TPMT: variants seen among roughly 807,000 people sequenced by gnomAD.
TPMT encodes thiopurine S-methyltransferase, also known as S-adenosyl-L-methionine:thiopurine S-methyltransferase.
A neutral mutation model predicts 34.2 loss-of-function variants in TPMT; 18 were observed. That is an observed-to-expected ratio of 0.53 (90% CI 0.36 to 0.78). The LOEUF is 0.78. Ranked by LOEUF, TPMT falls within the 30% of genes least tolerant of loss-of-function variation. TPMT has a pLI of 0.00. For synonymous variants in TPMT, 69 were observed against 92.4 expected (o/e 0.75, Z 1.45); for missense variants, 265 against 288.1 (o/e 0.92, Z 0.58).
rs1374075705 is a variant in TPMT at position 18,143,752 on chromosome 6, C to T, written c.234-24G>A. On this transcript the variant is annotated intron_variant, in intron 3 of 8. Coordinates refer to ENST00000309983, the MANE Select transcript of TPMT (RefSeq NM_000367.5). This position sits in a 1 kb window ranked among gnomAD's most constrained non-coding sequence, Gnocchi z 6.1. The stretch of plus-strand genomic sequence containing the variant: ...ACCTGCATAAAATCATACATTTACA[C>T]TTAAATTATGTTTTCAAATGACTAA... The T allele has an allele frequency of 3.1e-6, 5 of 1,613,250 alleles. No homozygotes were observed. The highest frequency in any genetic ancestry group is 1.3e-5 in the African/African-American group (1 of 74,878).
In TPMT at chr6:18,131,938, G is replaced by A. The variant is rs1437473386; in HGVS notation, c.625+195C>T. 6.6e-6 allele frequency among the ~76,000 whole-genome samples: 1 copy of A among 152,210 alleles called. No individual in the cohort carries two copies. The highest frequency in any genetic ancestry group is 6.5e-5 in the Admixed American group (1 of 15,280). ...GACTACAGGCACATGCCACCACACTGGCCTAATTTTTGTATTTTTGTAGAG... is the reference window on the plus strand; with the variant it reads ...GACTACAGGCACATGCCACCACACTAGCCTAATTTTTGTATTTTTGTAGAG... On this transcript the variant is annotated intron_variant, in intron 8 of 8. Coordinates refer to ENST00000309983, the MANE Select transcript of TPMT (RefSeq NM_000367.5). This position sits in a 1 kb window ranked among gnomAD's most constrained non-coding sequence, Gnocchi z 4.3.
chr6:18,147,944 G>T, intron 2 of TPMT, 29 bp from the exon 3 acceptor site: 1 of 1,564,408 alleles, frequency 6.4e-7, no homozygotes, highest in South Asian at 1.1e-5. Context: ...AAGGTTTTAG[G>T]ACAATTGTAT....
In TPMT at chr6:18,139,076, C is replaced by A. The variant is rs1481700402; in HGVS notation, c.420-39G>T. On this transcript the variant is annotated intron_variant, in intron 5 of 8. Transcript: ENST00000309983. The surrounding 1 kb of genome is among the most constrained non-coding windows in gnomAD (Gnocchi z 4.2). ...AAAAAACATTTTATGGGAGAAAAATCAAATCTTTAAGAAGATGAGCAGCGT... is the reference window on the plus strand; with the variant it reads ...AAAAAACATTTTATGGGAGAAAAATAAAATCTTTAAGAAGATGAGCAGCGT... 1.9e-6 allele frequency: 3 copies of A among 1,572,364 alleles called. No homozygotes were observed. The highest frequency in any genetic ancestry group is 1.7e-4 in the Middle Eastern group (1 of 5,992).
Position 18,130,364 on chromosome 6 carries a change from T to A in TPMT, c.*304A>T, listed in dbSNP as rs189064093. 1,222 of 266,780 alleles carry A rather than the reference T, an allele frequency of 4.6e-3. 11 individuals are homozygous for A. Among genetic ancestry groups the A allele is most frequent in the African/African-American group, 0.025 (1,119 of 44,476 alleles). 16.5% of individuals were successfully genotyped at this position (266,780 alleles called of 1,614,324 possible). On this transcript the variant is annotated 3_prime_UTR_variant, in exon 9 of 9. Transcript: ENST00000309983. The surrounding 1 kb of genome is among the most constrained non-coding windows in gnomAD (Gnocchi z 4.2). ...TGCATTGCATTTTGAAATATTTTTT[T>A]AATTGTACAGGTAACACATGCTGAT...
rs1033088368 is a variant in TPMT, at chr6:18,149,484, T to C, written c.-44-313A>G. Among the ~76,000 whole-genome samples, 10 of 151,444 alleles carry C rather than the reference T, an allele frequency of 6.6e-5. No individual in the cohort carries two copies. Among genetic ancestry groups the C allele is most frequent in the Non-Finnish European group, 1.5e-4 (10 of 67,858 alleles). ...CTTTCTTTCCTTGTTTTTTTTTTTT[T>C]CAGAGACAAGGTCTTGCTCTGTCAC... On this transcript the variant is annotated intron_variant, in intron 1 of 8. Coordinates refer to ENST00000309983, the MANE Select transcript of TPMT (RefSeq NM_000367.5). This position sits in a 1 kb window ranked among gnomAD's most constrained non-coding sequence, Gnocchi z 5.0.
rs1784094365 is a variant in TPMT at position 18,139,109 on chromosome 6, G to T, written c.420-72C>A. ...TAAGAAGATGAGCAGCGTCCCCCAT[G>T]GTGCATGCTGGTACTTCAACAATCG... is the stretch of plus-strand genomic sequence containing the variant. On this transcript the variant is annotated intron_variant, in intron 5 of 8. Transcript: ENST00000309983. The surrounding 1 kb of genome is among the most constrained non-coding windows in gnomAD (Gnocchi z 4.2). 8.0e-7 allele frequency: 1 copy of T among 1,246,868 alleles called. No individual in the cohort carries two copies. Among genetic ancestry groups the T allele is most frequent in the African/African-American group, 1.5e-5 (1 of 67,874 alleles). The allele number at this position is 1,246,868 out of a possible 1,614,324, so 77.2% of individuals were successfully genotyped here.
intron 3 of TPMT, among the ~76,000 whole-genome samples, chr6:18,147,069 C>T (rs149505427): frequency 4.4e-4 from 67 of 151,576 alleles, no homozygotes; most frequent in African/African-American, 1.5e-3. Context: ...GGATTACAGG[C>T]GGAGGCCACC....
In TPMT at chr6:18,148,991, T is replaced by C. The variant is rs762702707; in HGVS notation, c.137A>G (p.His46Arg). 1 of 1,613,638 alleles carries C rather than the reference T, an allele frequency of 6.2e-7. No individual in the cohort carries two copies. The highest frequency in any genetic ancestry group is 1.1e-5 in the South Asian group (1 of 91,060). Residue 46 changes from histidine (H) to arginine (R), a missense_variant, in exon 2 of 9, where the codon CAT becomes CGT. Transcript: ENST00000309983. This position sits in a 1 kb window ranked among gnomAD's most constrained non-coding sequence, Gnocchi z 4.1. ...TTGTATACCAAATATTTCTTACTGA[T>C]GTCCTTGTTCCTGATGAAAAGCAGT... ...GKTAFHQEQG[H>R]QLLKKHLDTF...
At chr6:18,133,407 C>CG (rs1475519450) in intron 7 of TPMT, among the ~76,000 whole-genome samples, 1 of 152,254 alleles carries the variant, frequency 6.6e-6, no homozygotes, top group Non-Finnish European at 1.5e-5. Flanking sequence ...ATTCACTTCT[C>CG]ACCCCGTGCT....
chr6:18,142,225 C>A (rs1204989542), intron 4 of TPMT, among the ~76,000 whole-genome samples: 1 of 151,504 alleles, frequency 6.6e-6, no homozygotes, highest in Non-Finnish European at 1.5e-5. Context: ...GCCTATTAAA[C>A]CTCCACTCCT....
At position 18,129,922 on chromosome 6, in the gene TPMT, T is replaced by C. The variant is rs1783905437; in HGVS notation, c.*746A>G. 6.6e-6 allele frequency: 1 copy of C among 152,230 alleles called. No homozygotes were observed. Among genetic ancestry groups the C allele is most frequent in the Non-Finnish European group, 1.5e-5 (1 of 68,048 alleles). The allele number at this position is 152,230 out of a possible 1,614,324, so 9.4% of individuals were successfully genotyped here. Reference sequence around the variant, plus strand: ...GGGTTTATAGTAAAAACTAATCTTTTATATAACTTTTGGGACCACCTTGAA... The same window carrying C: ...GGGTTTATAGTAAAAACTAATCTTTCATATAACTTTTGGGACCACCTTGAA... On this transcript the variant is annotated 3_prime_UTR_variant, in exon 9 of 9. Coordinates refer to ENST00000309983, the MANE Select transcript of TPMT (RefSeq NM_000367.5).
intron 1 of TPMT, among the ~76,000 whole-genome samples, chr6:18,151,252 C>T (rs192630652): frequency 1.6e-3 from 233 of 147,434 alleles, no homozygotes; most frequent in Middle Eastern, 0.011. Context: ...GATGGCTTGA[C>T]GCCTGGAGTT....
chr6:18,135,942 T>C lies in TPMT; in HGVS notation c.495-2053A>G, dbSNP rs1386757194. Among the ~76,000 whole-genome samples the C allele has an allele frequency of 1.3e-5, 2 of 152,198 alleles. No homozygotes were observed. The highest frequency in any genetic ancestry group is 4.8e-5 in the African/African-American group (2 of 41,448). On this transcript the variant is annotated intron_variant, in intron 6 of 8. Transcript: ENST00000309983. The surrounding 1 kb of genome is among the most constrained non-coding windows in gnomAD (Gnocchi z 5.0). Reference sequence around the variant, plus strand: ...CCTTGCTCAGAGTGCAGTTCACTTCTTCCATTCATTTATTTAAACAACATT... The same window carrying C: ...CCTTGCTCAGAGTGCAGTTCACTTCCTCCATTCATTTATTTAAACAACATT...
rs1784250002 is a variant in TPMT, at chr6:18,146,474, C to A, written c.233+1349G>T. Among the ~76,000 whole-genome samples the A allele has an allele frequency of 6.6e-6, 1 of 152,120 alleles. No homozygotes were observed. Among genetic ancestry groups the A allele is most frequent in the Non-Finnish European group, 1.5e-5 (1 of 68,034 alleles). ...CTAATTAAAGGTGTGAGCCACCGCA[C>A]CTGGCCAGTTCTGATATTTTTTGTA... On this transcript the variant is annotated intron_variant, in intron 3 of 8. Coordinates refer to ENST00000309983, the MANE Select transcript of TPMT (RefSeq NM_000367.5). This position sits in a 1 kb window ranked among gnomAD's most constrained non-coding sequence, Gnocchi z 6.2.
chr6:18,131,925 A>G lies in TPMT; in HGVS notation c.625+208T>C, dbSNP rs1783952415. ...CTCAAATAGTTGGGACTACAGGCACATGCCACCACACTGGCCTAATTTTTG... is the reference window on the plus strand; with the variant it reads ...CTCAAATAGTTGGGACTACAGGCACGTGCCACCACACTGGCCTAATTTTTG... On this transcript the variant is annotated intron_variant, in intron 8 of 8. Transcript: ENST00000309983. This position sits in a 1 kb window ranked among gnomAD's most constrained non-coding sequence, Gnocchi z 4.3. Among the ~76,000 whole-genome samples the G allele has an allele frequency of 6.6e-6, 1 of 152,162 alleles. No homozygotes were observed. The highest frequency in any genetic ancestry group is 1.5e-5 in the Non-Finnish European group (1 of 68,040).
rs961810984 is a variant in TPMT, at chr6:18,145,179, C to T, written c.234-1451G>A. Reference sequence around the variant, plus strand: ...AATCACTGCACTATGCTAAATCACGCACTAAAAATCCCCAGGCTGGTGGGG... The same window carrying T: ...AATCACTGCACTATGCTAAATCACGTACTAAAAATCCCCAGGCTGGTGGGG... On this transcript the variant is annotated intron_variant, in intron 3 of 8. Coordinates refer to ENST00000309983, the MANE Select transcript of TPMT (RefSeq NM_000367.5). The surrounding 1 kb of genome is among the most constrained non-coding windows in gnomAD (Gnocchi z 5.6). Among the ~76,000 whole-genome samples the T allele has an allele frequency of 8.5e-5, 13 of 152,188 alleles. No individual in the cohort carries two copies. The highest frequency in any genetic ancestry group is 2.4e-4 in the African/African-American group (10 of 41,526).
intron 4 of TPMT, among the ~76,000 whole-genome samples, chr6:18,141,513 C>T (rs1287332426): frequency 1.3e-5 from 2 of 151,982 alleles, no homozygotes; most frequent in East Asian, 3.9e-4. Flanking sequence ...CTAATTTTTG[C>T]ATTTTTAGTA....
chr6:18,142,152 C>T (rs1338190287), intron 4 of TPMT, among the ~76,000 whole-genome samples: 3 of 152,070 alleles, frequency 2.0e-5, no homozygotes, highest in Non-Finnish European at 4.4e-5. Flanking sequence ...TTTTTCCTCT[C>T]GGAAGTCCCC....
rs937876662 is a variant in TPMT, at chr6:18,148,681, G to A, written c.140+307C>T. Among the ~76,000 whole-genome samples, 2 of 152,162 alleles carry A rather than the reference G, an allele frequency of 1.3e-5. No individual in the cohort carries two copies. Among genetic ancestry groups the A allele is most frequent in the African/African-American group, 4.8e-5 (2 of 41,450 alleles). On this transcript the variant is annotated intron_variant, in intron 2 of 8. Transcript: ENST00000309983. This position sits in a 1 kb window ranked among gnomAD's most constrained non-coding sequence, Gnocchi z 4.1. Reference sequence around the variant, plus strand: ...AATTGTAAGCATAAACATTGCTTGAGCACCTGTTGTAGGTATAAATATTCA... The same window carrying A: ...AATTGTAAGCATAAACATTGCTTGAACACCTGTTGTAGGTATAAATATTCA...
Sources: gnomAD v4.1 joint callset for allele counts (sites outside exome capture counted in the v4.1 genomes callset) on GRCh38, gnomAD v4.1.1 for gene constraint, Gnocchi (gnomAD v3.1) non-coding constraint, MANE v1.5 for transcripts, NCBI Gene and HGNC (gene_info 2026-07-23, HGNC 2026-07-21) for gene names.